Variants in MORC1 observed in about 807,000 individuals in gnomAD.
The protein encoded by MORC1 is MORC family CW-type zinc finger protein 1.
A neutral mutation model predicts 134.9 loss-of-function variants in MORC1; 59 were observed. The observed-to-expected ratio is 0.44, with a 90% CI of 0.35 to 0.54. MORC1 has a LOEUF of 0.54. Among genes scored for constraint, MORC1 ranks in the 20% least tolerant of loss-of-function variants. MORC1 has a pLI of 0.00. For missense variants in MORC1, 947 were observed against 1,134.5 expected (o/e 0.83, Z 2.37); for synonymous variants, 395 against 391.7 (o/e 1.01, Z -0.10).
chr3:109,026,292 A>G (rs577595403), intron 17 of MORC1, among the ~76,000 whole-genome samples: 1 of 152,178 alleles, frequency 6.6e-6, no homozygotes, highest in Non-Finnish European at 1.5e-5. Flanking sequence ...CTATATAAGT[A>G]CTGCTAAATT....
At chr3:109,015,517 T>TTAC (rs1352297062) in intron 17 of MORC1, among the ~76,000 whole-genome samples, 1 of 152,188 alleles carries the variant, frequency 6.6e-6, no homozygotes, top group Non-Finnish European at 1.5e-5. Context: ...ACTCCAGGGG[T>TTAC]AGCTGAAATT....
At chr3:108,982,214 C>T (rs1376748574) in intron 23 of MORC1, among the ~76,000 whole-genome samples, 1 of 152,162 alleles carries the variant, frequency 6.6e-6, no homozygotes, top group Non-Finnish European at 1.5e-5. Context: ...TACCATCTCA[C>T]ACCAGTTAGA....
At chr3:109,061,222 A>G (rs1165966058) in intron 11 of MORC1, among the ~76,000 whole-genome samples, 1 of 152,164 alleles carries the variant, frequency 6.6e-6, no homozygotes, top group Non-Finnish European at 1.5e-5. Flanking sequence ...AAGGCATTTT[A>G]CCTCCATATT....
intron 8 of MORC1, among the ~76,000 whole-genome samples, chr3:109,088,003 T>C (rs914820982): frequency 6.6e-6 from 1 of 152,090 alleles, no homozygotes; most frequent in Non-Finnish European, 1.5e-5. Flanking sequence ...TAAATGGTGC[T>C]GGGATAACTG....
intron 8 of MORC1, among the ~76,000 whole-genome samples, chr3:109,072,372 A>T (rs747707811): frequency 1.7e-4 from 26 of 151,924 alleles, no homozygotes; most frequent in Admixed American, 1.7e-3. Context: ...TTCCTTTCGA[A>T]GCCTTCCCTC....
At chr3:109,046,562 A>G (rs1198626848) in intron 14 of MORC1, among the ~76,000 whole-genome samples, 1 of 152,132 alleles carries the variant, frequency 6.6e-6, no homozygotes, top group Non-Finnish European at 1.5e-5. Context: ...CTACCTTTCT[A>G]CTAGAACTCT....
At chr3:109,033,266 A>G (rs964577878) in intron 15 of MORC1, among the ~76,000 whole-genome samples, 6 of 150,612 alleles carry the variant, frequency 4.0e-5, no homozygotes, top group Admixed American at 2.7e-4. Flanking sequence ...TGAAAGAAAG[A>G]AAGAAGGAAA....
At chr3:109,020,486 C>T (rs1948929614) in intron 17 of MORC1, among the ~76,000 whole-genome samples, 1 of 152,058 alleles carries the variant, frequency 6.6e-6, no homozygotes, top group Admixed American at 6.6e-5. Context: ...AAATAGACCC[C>T]AGTTAAGATT....
At chr3:109,059,930 T>C in intron 11 of MORC1, 60 bp from the exon 12 acceptor site, 1 of 1,409,362 alleles carries the variant, frequency 7.1e-7, no homozygotes, top group Non-Finnish European at 9.9e-7. Context: ...AAAAGCAAGT[T>C]GATATTATCC....
chr3:109,004,401 T>G (rs931345692), intron 20 of MORC1, among the ~76,000 whole-genome samples: 1 of 152,166 alleles, frequency 6.6e-6, no homozygotes, highest in Non-Finnish European at 1.5e-5. Context: ...AAAATGAAAG[T>G]TATTGAGATG....
intron 2 of MORC1, among the ~76,000 whole-genome samples, chr3:109,111,817 C>T (rs1011899267): frequency 1.3e-5 from 2 of 152,180 alleles, no homozygotes; most frequent in South Asian, 2.1e-4. Context: ...TGAGTAGGTA[C>T]ACTGTACTTG....
intron 24 of MORC1, 95 bp from the exon 25 acceptor site, chr3:108,971,497 A>G (rs559837212): frequency 9.9e-7 from 1 of 1,014,424 alleles, no homozygotes; most frequent in Non-Finnish European, 1.5e-6. Context: ...GGTATTAAAT[A>G]TCCTGGCAAA....
intron 9 of MORC1, among the ~76,000 whole-genome samples, chr3:109,063,803 A>G (rs1400671482): frequency 6.6e-6 from 1 of 152,186 alleles, no homozygotes; most frequent in Non-Finnish European, 1.5e-5. Context: ...ATATATATCC[A>G]TAAACTCAAA....
chr3:109,104,141 C>T (rs993741755), intron 3 of MORC1, among the ~76,000 whole-genome samples: 1 of 152,096 alleles, frequency 6.6e-6, no homozygotes, highest in Non-Finnish European at 1.5e-5. Context: ...CACAAAACAT[C>T]TACATGTGAA....
intron 5 of MORC1, 139 bp from the exon 6 acceptor site, chr3:109,099,605 C>A (rs1950889326): frequency 2.9e-5 from 16 of 556,228 alleles, no homozygotes; most frequent in Admixed American, 4.2e-5. Context: ...CAAGAGGGTA[C>A]AATTTTTTTT....
chr3:108,969,091 T>C (rs143070318), intron 26 of MORC1, among the ~76,000 whole-genome samples: 173 of 152,174 alleles, frequency 1.1e-3, no homozygotes, highest in African/African-American at 4.0e-3. Context: ...ATACACAGCA[T>C]TATTTGATAA....
intron 12 of MORC1, among the ~76,000 whole-genome samples, chr3:109,059,495 GCAGTT>G (rs1050563436): frequency 4.6e-5 from 7 of 152,112 alleles, no homozygotes; most frequent in Admixed American, 1.3e-4. Context: ...GTTCCTCCGG[GCAGTT>G]CACTTTCACT....
chr3:108,982,975 C>T (rs186503736), intron 23 of MORC1, among the ~76,000 whole-genome samples: 54 of 149,772 alleles, frequency 3.6e-4, no homozygotes, highest in African/African-American at 1.2e-3. Flanking sequence ...GATTGTTTTT[C>T]GTGGACTGTT....
chr3:109,031,584 G>A (rs1442410433), intron 16 of MORC1, among the ~76,000 whole-genome samples: 1 of 152,150 alleles, frequency 6.6e-6, no homozygotes, highest in East Asian at 1.9e-4. Context: ...ATGAACGCAG[G>A]TTAGGAAACA....
Sources: allele counts gnomAD v4.1 joint callset (sites outside exome capture counted in the v4.1 genomes callset), GRCh38; gene constraint gnomAD v4.1.1; transcripts MANE v1.5; gene names NCBI Gene and HGNC (gene_info 2026-07-23, HGNC 2026-07-21).